Variants in ITGB1 observed in about 807,000 individuals in gnomAD.
ITGB1 encodes the protein integrin subunit beta 1.
A neutral mutation model predicts 86.5 loss-of-function variants in ITGB1; 24 were observed. The ratio of observed to expected loss-of-function variants is 0.28; its 90% CI spans 0.20 to 0.39. The LOEUF is 0.39. Ranked by LOEUF, ITGB1 falls within the 10% of genes least tolerant of loss-of-function variation. ITGB1 has a pLI of 1.00. For synonymous variants in ITGB1, 323 were observed against 316.8 expected (o/e 1.02, Z -0.21); for missense variants, 556 against 946.9 (o/e 0.59, Z 5.42).
chr10:32,935,939 G>A (rs538863320), intron 1 of ITGB1: 90 of 160,528 alleles, frequency 5.6e-4, no homozygotes, highest in African/African-American at 1.9e-3. Flanking sequence ...TATCTCCTGC[G>A]GCTCCCAGGG....
intron 1 of ITGB1, among the ~76,000 whole-genome samples, chr10:32,950,997 A>T (rs1414509973): frequency 6.6e-6 from 1 of 152,194 alleles, no homozygotes; most frequent in Non-Finnish European, 1.5e-5. Context: ...TAAATAATGG[A>T]TATAGTACGC....
intron 1 of ITGB1, chr10:32,944,941 T>C: frequency 8.1e-7 from 1 of 1,240,640 alleles, no homozygotes; most frequent in Non-Finnish European, 1.2e-6. Context: ...TCCTGGAATA[T>C]TACCAAGCTT....
intron 7 of ITGB1, among the ~76,000 whole-genome samples, chr10:32,923,043 G>A (rs1483150207): frequency 6.6e-6 from 1 of 151,920 alleles, no homozygotes; most frequent in Admixed American, 6.6e-5. Flanking sequence ...TATTCAAAAG[G>A]TTTTAAATAG....
chr10:32,951,292 T>G (rs149664154), intron 1 of ITGB1, among the ~76,000 whole-genome samples: 2 of 152,018 alleles, frequency 1.3e-5, no homozygotes, highest in South Asian at 4.2e-4. Flanking sequence ...ACAGAACTCA[T>G]AGACACCAAG....
At chr10:32,928,294 C>T (rs373089221) in intron 4 of ITGB1, 30 bp from the exon 5 acceptor site, 2 of 807,460 alleles carry the variant, frequency 2.5e-6, no homozygotes, top group Non-Finnish European at 4.2e-6. Flanking sequence ...GAAAATGAAA[C>T]TTGCCTGTTG....
At chr10:32,935,590 T>A in intron 1 of ITGB1, 32 bp from the exon 2 acceptor site, 1 of 1,463,648 alleles carries the variant, frequency 6.8e-7, no homozygotes, top group Non-Finnish European at 9.6e-7. Context: ...ATATTAGTTA[T>A]AAAGAAATAA....
At chr10:32,930,505 G>A (rs982132138) in intron 3 of ITGB1, among the ~76,000 whole-genome samples, 1 of 152,064 alleles carries the variant, frequency 6.6e-6, no homozygotes, top group African/African-American at 2.4e-5. Flanking sequence ...GAAAACAGAC[G>A]AGCTTAAAAA....
chr10:32,939,203 C>G (rs754381087), intron 1 of ITGB1, among the ~76,000 whole-genome samples: 6 of 152,168 alleles, frequency 3.9e-5, no homozygotes, highest in Non-Finnish European at 7.4e-5. Flanking sequence ...GGGTTTCCTC[C>G]CAATGGCATT....
rs963889011 is a variant in ITGB1, at chr10:32,920,223, GA to G, written c.1269+21del. Reference sequence around the variant, plus strand: ...TTATAAATAACCAATGTTTTCTACAGAAAATGCTTTATACAACATACCTCAT... The same window carrying G: ...TTATAAATAACCAATGTTTTCTACAGAAATGCTTTATACAACATACCTCAT... On this transcript the variant is annotated intron_variant, in intron 10 of 15. Coordinates refer to ENST00000302278, the MANE Select transcript of ITGB1 (RefSeq NM_002211.4). The G allele has an allele frequency of 5.0e-6, 8 of 1,604,908 alleles. 1 individual carries two copies. The African/African-American group carries it at 1.1e-4, about 22-fold the overall frequency.
At chr10:32,901,787 A>AT in intron 15 of ITGB1, 152 bp from the exon 16 acceptor site, 1 of 583,888 alleles carries the variant, frequency 1.7e-6, no homozygotes, top group South Asian at 2.4e-5. Context: ...AAAGGCATTA[A>AT]TAATGGTTTA....
chr10:32,927,587 T>C (rs967075735), intron 5 of ITGB1, among the ~76,000 whole-genome samples: 1 of 152,080 alleles, frequency 6.6e-6, no homozygotes, highest in Non-Finnish European at 1.5e-5. Context: ...AGGTCAGGAG[T>C]TCGAGACCAG....
Position 32,952,060 on chromosome 10 carries a change from A to G in ITGB1, c.-1+6085T>C, listed in dbSNP as rs569996294. ...ATCCTGTCTGTGGTGGAGTGCATAC[A>G]GTATTTTAAATACATGATAAATGTT... On this transcript the variant is annotated intron_variant, in intron 1 of 15. Transcript: ENST00000302278. 1.9e-4 allele frequency among the ~76,000 whole-genome samples: 29 copies of G among 152,348 alleles called. 1 individual carries two copies. Among genetic ancestry groups the G allele is most frequent in the Admixed American group, 5.9e-4 (9 of 15,300 alleles).
Position 32,920,331 on chromosome 10 carries a change from T to C in ITGB1, c.1183A>G (p.Ile395Val), listed in dbSNP as rs200656381. 155 of 1,612,392 alleles carry C rather than the reference T, an allele frequency of 9.6e-5. No individual in the cohort carries two copies. Among genetic ancestry groups the C allele is most frequent in the Non-Finnish European group, 1.2e-4 (144 of 1,178,658 alleles). The change falls in exon 10 of 16, where the codon ATA becomes GTA. Residue 395 changes from isoleucine to valine, a missense_variant. Ile to Val is a conservative substitution (Grantham distance 29). Transcript: ENST00000302278. ...ENGKLSEGVTISYKSYCKNGV... is the reference protein window; with the variant it reads ...ENGKLSEGVTVSYKSYCKNGV... ...TTCTTGCAGTAAGATTTGTAACTTA[T>C]TGTTACGCCTTCTGACAATTTGCCG... is the stretch of plus-strand genomic sequence containing the variant.
At chr10:32,943,700 T>C (rs10827164) in intron 1 of ITGB1, among the ~76,000 whole-genome samples, 46,871 of 151,860 alleles carry the variant, frequency 0.31, 8,154 homozygotes, top group Admixed American at 0.43. Context: ...ACCAGGTCAT[T>C]GTTTTAGCTA....
At chr10:32,934,910 C>T (rs972280383) in intron 2 of ITGB1, among the ~76,000 whole-genome samples, 2 of 152,160 alleles carry the variant, frequency 1.3e-5, no homozygotes, top group Admixed American at 6.5e-5. Context: ...TGTAGTAAGT[C>T]CTTCCAATCC....
intron 1 of ITGB1, among the ~76,000 whole-genome samples, chr10:32,939,437 C>G (rs2095012496): frequency 6.6e-6 from 1 of 152,178 alleles, no homozygotes; most frequent in Non-Finnish European, 1.5e-5. Context: ...CTTTGTGCAA[C>G]CATCACAGTG....
intron 7 of ITGB1, among the ~76,000 whole-genome samples, chr10:32,923,159 T>C (rs1324286021): frequency 6.6e-6 from 1 of 152,202 alleles, no homozygotes; most frequent in Non-Finnish European, 1.5e-5. Context: ...AGATTTACCA[T>C]TTGGATTTCT....
intron 13 of ITGB1, 37 bp downstream of exon 13, chr10:32,911,410 GA>G (rs772606724): frequency 6.5e-7 from 1 of 1,539,418 alleles, no homozygotes; most frequent in Admixed American, 1.7e-5. Flanking sequence ...GAGCCAAGAG[GA>G]AGTATCAACT....
rs534244746 is a variant in ITGB1, at chr10:32,908,691, GGATACAT to G, written c.2165-164_2165-158del. Among the ~76,000 whole-genome samples, 105 of 152,108 alleles carry G rather than the reference GGATACAT, an allele frequency of 6.9e-4. 1 individual carries two copies. Among genetic ancestry groups the G allele is most frequent in the African/African-American group, 2.3e-3 (95 of 41,510 alleles). On this transcript the variant is annotated intron_variant, in intron 14 of 15. Transcript: ENST00000302278. ...TAACAAGTGAGTTTACAAGGTTGCA[GGATACAT>G]GATCAATGAACAAAAATCATGTATT...
Sources: gnomAD v4.1 joint callset for allele counts (sites outside exome capture counted in the v4.1 genomes callset) on GRCh38, gnomAD v4.1.1 for gene constraint, MANE v1.5 for transcripts, NCBI Gene and HGNC (gene_info 2026-07-23, HGNC 2026-07-21) for gene names.